KCNT2: variants seen among roughly 807,000 people sequenced by gnomAD.
The protein encoded by KCNT2 is potassium channel subfamily T member 2.
In KCNT2, 67 loss-of-function variants were observed where a neutral mutation model predicts 153.8. That is an observed-to-expected ratio of 0.44 (90% CI 0.36 to 0.53). The LOEUF is 0.53. Among genes scored for constraint, KCNT2 ranks in the 20% least tolerant of loss-of-function variants. KCNT2 has a pLI of 0.00. For synonymous variants in KCNT2, 500 were observed against 458.8 expected (o/e 1.09, Z -1.15); for missense variants, 975 against 1,354.8 (o/e 0.72, Z 4.40).
intron 1 of KCNT2, among the ~76,000 whole-genome samples, chr1:196,531,959 C>A (rs1304992863): frequency 3.9e-5 from 6 of 151,916 alleles, no homozygotes; most frequent in Non-Finnish European, 8.8e-5. Context: ...CTCTTACTCC[C>A]ATTATCTATA....
At chr1:196,277,272 G>A (rs1658655900) in intron 25 of KCNT2, among the ~76,000 whole-genome samples, 1 of 152,002 alleles carries the variant, frequency 6.6e-6, no homozygotes, top group South Asian at 2.1e-4. Flanking sequence ...TGAAAGCTCT[G>A]GGTGAGATTC....
chr1:196,319,384 T>A (rs113782635), intron 20 of KCNT2, 100 bp downstream of exon 20: 1 of 638,098 alleles, frequency 1.6e-6, no homozygotes, highest in Non-Finnish European at 2.7e-6. Flanking sequence ...TTTGCAATAC[T>A]GACACGGCAA....
intron 25 of KCNT2, among the ~76,000 whole-genome samples, chr1:196,262,557 T>C (rs937997397): frequency 2.0e-5 from 3 of 151,966 alleles, no homozygotes; most frequent in African/African-American, 7.2e-5. Flanking sequence ...TGAGGGATCA[T>C]CTAAATTTAA....
chr1:196,456,262 G>T (rs137976739), intron 8 of KCNT2, among the ~76,000 whole-genome samples: 2 of 151,408 alleles, frequency 1.3e-5, no homozygotes, highest in African/African-American at 4.8e-5. Flanking sequence ...TTTAAGTAGG[G>T]CACTCCTTTT....
chr1:196,570,006 G>A (rs1489048988), intron 1 of KCNT2, among the ~76,000 whole-genome samples: 2 of 148,208 alleles, frequency 1.3e-5, no homozygotes, highest in African/African-American at 2.6e-5. Context: ...GGAAACTTCT[G>A]CTATGCTAAG....
intron 12 of KCNT2, among the ~76,000 whole-genome samples, chr1:196,403,863 G>A (rs1369546580): frequency 3.3e-5 from 5 of 151,590 alleles, no homozygotes; most frequent in East Asian, 1.9e-4. Flanking sequence ...AAGTTACTAC[G>A]GATCTGATTC....
intron 15 of KCNT2, among the ~76,000 whole-genome samples, chr1:196,341,441 A>T (rs1180153231): frequency 6.6e-6 from 1 of 152,030 alleles, no homozygotes; most frequent in Non-Finnish European, 1.5e-5. Context: ...AAGCATCATA[A>T]GTTGGGGGTT....
Position 196,479,196 on chromosome 1 carries a change from C to A in KCNT2, c.367G>T (p.Gly123Cys), listed in dbSNP as rs369931769. ...LISLFETILL[G>C]YLSYKGNIWE... ...TAACTTACCTTATAACTAAGATAAC[C>A]AAGTAATATTGTTTCAAACAGACTT... Residue 123 changes from glycine (G) to cysteine (C), a missense_variant, in exon 5 of 28, where the codon GGT (glycine) becomes TGT (cysteine). Physicochemically the swap from Gly to Cys is radical, Grantham distance 159. Coordinates refer to ENST00000294725, the MANE Select transcript of KCNT2 (RefSeq NM_198503.5). 29 of 1,571,734 alleles carry A rather than the reference C, an allele frequency of 1.8e-5. No homozygotes were observed. In the African/African-American group the frequency reaches 3.8e-4, roughly 21 times the overall value.
chr1:196,342,069 A>G lies in KCNT2; in HGVS notation c.1553+10T>C. 1.3e-6 allele frequency: 2 copies of G among 1,594,272 alleles called. No homozygotes were observed. The highest frequency in any genetic ancestry group is 1.3e-5 in the African/African-American group (1 of 74,234). ...TGATATTTTAATTTTTCTCTGAGGC[A>G]GAAACATACTTTTTGTGTGCATGGA... On this transcript the variant is annotated intron_variant, in intron 15 of 27. Coordinates refer to ENST00000294725, the MANE Select transcript of KCNT2 (RefSeq NM_198503.5).
At chr1:196,503,888 C>T (rs1295927791) in intron 1 of KCNT2, among the ~76,000 whole-genome samples, 1 of 152,120 alleles carries the variant, frequency 6.6e-6, no homozygotes, top group Non-Finnish European at 1.5e-5. Flanking sequence ...GTAATGGGCA[C>T]AGCTCACTGG....
intron 26 of KCNT2, among the ~76,000 whole-genome samples, chr1:196,251,573 CAG>C (rs1386787293): frequency 3.3e-5 from 5 of 151,756 alleles, no homozygotes; most frequent in Admixed American, 3.3e-4. Flanking sequence ...CTCATGGAGA[CAG>C]AGAGTAAAAT....
At chr1:196,580,065 C>T (rs954680564) in intron 1 of KCNT2, among the ~76,000 whole-genome samples, 5 of 152,128 alleles carry the variant, frequency 3.3e-5, no homozygotes, top group African/African-American at 1.2e-4. Context: ...AAGCTCAAAA[C>T]TTTTCCTCCT....
chr1:196,267,013 C>A (rs1657605445), intron 25 of KCNT2, among the ~76,000 whole-genome samples: 2 of 152,338 alleles, frequency 1.3e-5, no homozygotes, highest in South Asian at 4.1e-4. Flanking sequence ...CCGATCCCCA[C>A]AGTTACAGGG....
chr1:196,393,107 T>C (rs1670624198), intron 13 of KCNT2, among the ~76,000 whole-genome samples: 1 of 151,468 alleles, frequency 6.6e-6, no homozygotes, highest in African/African-American at 2.4e-5. Flanking sequence ...ATAGAAAATA[T>C]CTCAAGGGTA....
At chr1:196,283,321 G>A (rs1423713522) in intron 23 of KCNT2, among the ~76,000 whole-genome samples, 1 of 151,964 alleles carries the variant, frequency 6.6e-6, no homozygotes. Context: ...GGCACCTGTA[G>A]TCCCAGCTAC....
chr1:196,342,424 A>ATATATATATATATATATATATATATG (rs1553292525), intron 14 of KCNT2, among the ~76,000 whole-genome samples, 196 bp from the exon 15 acceptor site: 151 of 27,668 alleles, frequency 5.5e-3, no homozygotes, highest in African/African-American at 0.012. Context: ...TGAATACTAT[A>ATATATATATATATATATATATATATG]TATATATATA....
intron 19 of KCNT2, among the ~76,000 whole-genome samples, chr1:196,320,067 T>C (rs1267210509): frequency 1.3e-5 from 2 of 151,818 alleles, no homozygotes; most frequent in Non-Finnish European, 2.9e-5. Context: ...AAATATAGTA[T>C]ATATGCTCAT....
At chr1:196,270,996 C>T (rs1458726336) in intron 25 of KCNT2, among the ~76,000 whole-genome samples, 1 of 151,458 alleles carries the variant, frequency 6.6e-6, no homozygotes, top group African/African-American at 2.4e-5. Flanking sequence ...AGTACAGCAC[C>T]TCCCCAACCA....
chr1:196,467,342 T>C (rs1258798853), intron 7 of KCNT2, among the ~76,000 whole-genome samples: 1 of 152,094 alleles, frequency 6.6e-6, no homozygotes. Context: ...ATTTTACAAG[T>C]TTTCATTCTG....
Sources: allele counts gnomAD v4.1 joint callset (sites outside exome capture counted in the v4.1 genomes callset), GRCh38; gene constraint gnomAD v4.1.1; transcripts MANE v1.5; gene names NCBI Gene and HGNC (gene_info 2026-07-23, HGNC 2026-07-21).